The following PRKN variants were observed in gnomAD, a reference collection of about 807,000 sequenced individuals.
PRKN encodes the protein E3 ubiquitin-protein ligase parkin.
In PRKN, 56 loss-of-function variants were observed where a neutral mutation model predicts 59.5. The ratio of observed to expected loss-of-function variants is 0.94; its 90% CI spans 0.76 to 1.18. The LOEUF (loss-of-function observed/expected upper bound fraction) is 1.18, where lower values mean the gene tolerates loss of function less well. Among genes scored for constraint, PRKN ranks in the 50% most tolerant of loss-of-function variants. The pLI is 0.00. For synonymous variants in PRKN, 250 were observed against 222.1 expected (o/e 1.13, Z -1.12); for missense variants, 657 against 596.4 (o/e 1.10, Z -1.06).
chr6:161,521,039 G>T (rs1425168797), intron 9 of PRKN, among the ~76,000 whole-genome samples: 1 of 152,188 alleles, frequency 6.6e-6, no homozygotes, highest in African/African-American at 2.4e-5. Flanking sequence ...TCCCGTATGT[G>T]AAGAGGGATT....
At chr6:162,549,447 C>T (rs547018367) in intron 1 of PRKN, among the ~76,000 whole-genome samples, 68 of 152,174 alleles carry the variant, frequency 4.5e-4, no homozygotes, top group Admixed American at 1.2e-3. Flanking sequence ...CAACAGCACC[C>T]TCGACATGTT....
rs545690949 is a variant in PRKN at position 162,710,866 on chromosome 6, G to A, written c.7+16796C>T. Among the ~76,000 whole-genome samples, 20 of 152,328 alleles carry A rather than the reference G, an allele frequency of 1.3e-4. No homozygotes were observed. The East Asian group carries it at 2.1e-3, about 16-fold the overall frequency. On this transcript the variant is annotated intron_variant, in intron 1 of 11. Coordinates refer to ENST00000366898, the MANE Select transcript of PRKN (RefSeq NM_004562.3). ...CAGGTGAATCTCCCTAAAGAGGTGG[G>A]AAGGGCCTAAGAGGCCTTCCTGGTC... is the stretch of plus-strand genomic sequence containing the variant.
At chr6:162,666,719 T>A (rs544241298) in intron 1 of PRKN, among the ~76,000 whole-genome samples, 1 of 152,246 alleles carries the variant, frequency 6.6e-6, no homozygotes, top group South Asian at 2.1e-4. Context: ...TTTTAGGCTA[T>A]GTTGGTAATT....
intron 1 of PRKN, among the ~76,000 whole-genome samples, chr6:162,510,071 C>A (rs1017747974): frequency 6.6e-6 from 1 of 152,168 alleles, no homozygotes; most frequent in African/African-American, 2.4e-5. Flanking sequence ...GCTTTGCTTT[C>A]TTCAGTGAAG....
In PRKN at chr6:161,349,893, T is replaced by C; in HGVS notation, c.*206A>G. The C allele has an allele frequency of 1.6e-6, 1 of 617,578 alleles. No homozygotes were observed. Among genetic ancestry groups the C allele is most frequent in the Admixed American group, 2.4e-5 (1 of 41,520 alleles). The allele number at this position is 617,578 out of a possible 1,614,324, so 38.3% of individuals were successfully genotyped here. On this transcript the variant is annotated 3_prime_UTR_variant, in exon 12 of 12. Transcript: ENST00000366898. The surrounding 1 kb of genome is among the most constrained non-coding windows in gnomAD (Gnocchi z 5.5). ...GATTCAGGAGCTTCTTCTGTAATTTTACTCTGCTGTTTTTCATGGACATAG... is the reference window on the plus strand; with the variant it reads ...GATTCAGGAGCTTCTTCTGTAATTTCACTCTGCTGTTTTTCATGGACATAG...
Position 161,400,733 on chromosome 6 carries a change from A to G in PRKN, c.1084-13856T>C, listed in dbSNP as rs952691929. 2.0e-5 allele frequency among the ~76,000 whole-genome samples: 3 copies of G among 152,156 alleles called. 1 individual carries two copies. The highest frequency in any genetic ancestry group is 7.2e-5 in the African/African-American group (3 of 41,422). The stretch of plus-strand genomic sequence containing the variant: ...TGAGTTTCACTTCACACTGTGTTGA[A>G]GAAAAGAGCTGCAGGGGACAGAAAA... On this transcript the variant is annotated intron_variant, in intron 9 of 11. Coordinates refer to ENST00000366898, the MANE Select transcript of PRKN (RefSeq NM_004562.3). The surrounding 1 kb of genome is among the most constrained non-coding windows in gnomAD (Gnocchi z 4.2).
chr6:161,671,987 G>A (rs1026081831), intron 7 of PRKN, among the ~76,000 whole-genome samples: 3 of 152,128 alleles, frequency 2.0e-5, no homozygotes, highest in Admixed American at 6.5e-5. Flanking sequence ...TCATGAACTC[G>A]ATAGAGTTCA....
At chr6:161,857,656 A>G (rs1432324121) in intron 6 of PRKN, among the ~76,000 whole-genome samples, 3 of 152,236 alleles carry the variant, frequency 2.0e-5, no homozygotes, top group African/African-American at 7.2e-5. Context: ...CATAAGCAGA[A>G]TATCAGTTCA....
chr6:161,630,848 A>C (rs1783277475), intron 7 of PRKN, among the ~76,000 whole-genome samples: 1 of 152,242 alleles, frequency 6.6e-6, no homozygotes, highest in South Asian at 2.1e-4. Flanking sequence ...ACAGTCAACC[A>C]CTTGGGAAAG....
At position 162,157,245 on chromosome 6, in the gene PRKN, C is replaced by A. The variant is rs116356919; in HGVS notation, c.534+43886G>T. 9.0e-3 allele frequency among the ~76,000 whole-genome samples: 1,364 copies of A among 151,960 alleles called. 22 individuals carry two copies. The highest frequency in any genetic ancestry group is 0.031 in the African/African-American group (1,286 of 41,410). ...TACCCTGTGCTCCAGCTCCAAGAAC[C>A]CTTCCTGCACAGAAAAGACAGGATG... On this transcript the variant is annotated intron_variant, in intron 4 of 11. Transcript: ENST00000366898.
chr6:162,443,433 C>A lies in PRKN; in HGVS notation c.48G>T (p.Glu16Asp). The A allele has an allele frequency of 6.2e-7, 1 of 1,614,096 alleles. No individual in the cohort carries two copies. The highest frequency in any genetic ancestry group is 8.5e-7 in the Non-Finnish European group (1 of 1,180,006). Residue 16 changes from glutamate (E) to aspartate (D), a missense_variant, in exon 2 of 12, where the codon GAG becomes GAT. Transcript: ENST00000366898. ...RFNSSHGFPVEVDSDTSIFQL... is the reference protein window; with the variant it reads ...RFNSSHGFPVDVDSDTSIFQL... ...GGAAGATGCTGGTGTCAGAATCGAC[C>A]TCCACTGGGAAACCATGGCTGGAGT...
At position 161,777,804 on chromosome 6, in the gene PRKN, ATATGTATATATG is replaced by A. The variant is rs1472324865; in HGVS notation, c.871+7956_871+7967del. Among the ~76,000 whole-genome samples the A allele has an allele frequency of 2.9e-3, 413 of 142,604 alleles. 5 individuals are homozygous for A. Among genetic ancestry groups the A allele is most frequent in the African/African-American group, 0.01 (389 of 37,142 alleles). 93.6% of individuals were successfully genotyped at this position (142,604 alleles called of 152,430 possible). A position where few individuals can be genotyped will look rare whatever the true frequency, so the allele number is the denominator to read the frequency against. On this transcript the variant is annotated intron_variant, in intron 7 of 11. Transcript: ENST00000366898. ...GTATATGTATATATGATATATGTAT[ATATGTATATATG>A]TGTATATATGTATATGTATACGTAT...
At chr6:161,434,361 A>T (rs1788787181) in intron 9 of PRKN, among the ~76,000 whole-genome samples, 1 of 152,152 alleles carries the variant, frequency 6.6e-6, no homozygotes, top group Non-Finnish European at 1.5e-5. Context: ...ATCCCAGGCT[A>T]ACGTCTACGG....
chr6:161,538,220 T>C lies in PRKN; in HGVS notation c.1083+10634A>G, dbSNP rs756499620. 6.6e-6 allele frequency among the ~76,000 whole-genome samples: 1 copy of C among 152,210 alleles called. No homozygotes were observed. Among genetic ancestry groups the C allele is most frequent in the Non-Finnish European group, 1.5e-5 (1 of 68,042 alleles). On this transcript the variant is annotated intron_variant, in intron 9 of 11. Coordinates refer to ENST00000366898, the MANE Select transcript of PRKN (RefSeq NM_004562.3). The surrounding 1 kb of genome is among the most constrained non-coding windows in gnomAD (Gnocchi z 4.2). ...GCTTATCTGCTTCTGACTGGGTTCCTTCTCACTTGTACACTTCTTCTGATC... is the reference window on the plus strand; with the variant it reads ...GCTTATCTGCTTCTGACTGGGTTCCCTCTCACTTGTACACTTCTTCTGATC...
intron 4 of PRKN, among the ~76,000 whole-genome samples, chr6:162,117,707 C>T (rs1780733380): frequency 6.6e-6 from 1 of 152,212 alleles, no homozygotes; most frequent in African/African-American, 2.4e-5. Flanking sequence ...CAGGCTCCAT[C>T]CTTTCTGGAG....
At position 162,116,829 on chromosome 6, in the gene PRKN, G is replaced by C. The variant is rs183093305; in HGVS notation, c.535-62655C>G. Among the ~76,000 whole-genome samples, 159 of 152,308 alleles carry C rather than the reference G, an allele frequency of 1.0e-3. 1 individual carries two copies. The highest frequency in any genetic ancestry group is 6.8e-3 in the Middle Eastern group (2 of 294). On this transcript the variant is annotated intron_variant, in intron 4 of 11. Transcript: ENST00000366898. ...GAGTTTTGAGTTGACTGATGGAGCT[G>C]AAATATGGGCAAATGTTGGAAAGGA...
chr6:162,231,983 C>T (rs778634909), intron 3 of PRKN, among the ~76,000 whole-genome samples: 7 of 152,148 alleles, frequency 4.6e-5, no homozygotes, highest in Non-Finnish European at 8.8e-5. Context: ...CACCTGTCAC[C>T]TAGAGATGGG....
chr6:162,699,942 A>G (rs909633226), intron 1 of PRKN, among the ~76,000 whole-genome samples: 9 of 152,222 alleles, frequency 5.9e-5, no homozygotes, highest in Non-Finnish European at 1.2e-4. Context: ...AGAGACTGAA[A>G]ATTAAACACC....
intron 1 of PRKN, among the ~76,000 whole-genome samples, chr6:162,451,162 A>G (rs1007071131): frequency 6.6e-6 from 1 of 152,168 alleles, no homozygotes; most frequent in Non-Finnish European, 1.5e-5. Context: ...TGGAGAAAAA[A>G]TTACAGAATT....
Sources: gnomAD v4.1 joint callset for allele counts (sites outside exome capture counted in the v4.1 genomes callset) on GRCh38, gnomAD v4.1.1 for gene constraint, Gnocchi (gnomAD v3.1) non-coding constraint, MANE v1.5 for transcripts, NCBI Gene and HGNC (gene_info 2026-07-23, HGNC 2026-07-21) for gene names.